The following MYOM1 variants were observed in gnomAD, a reference collection of about 807,000 sequenced individuals.
MYOM1 encodes myomesin 1, also known as myomesin-1.
A neutral mutation model predicts 205.3 loss-of-function variants in MYOM1; 164 were observed. The ratio of observed to expected loss-of-function variants is 0.80; its 90% CI spans 0.70 to 0.91. MYOM1 has a LOEUF of 0.91. Among genes scored for constraint, MYOM1 ranks in the 40% least tolerant of loss-of-function variants. The pLI, the probability that MYOM1 is intolerant of heterozygous loss-of-function variation, is 0.00. For synonymous variants in MYOM1, 772 were observed against 789.4 expected, an observed-to-expected ratio of 0.98 and a Z score of 0.37; for missense variants, 2,011 against 2,127.3, an observed-to-expected ratio of 0.95 and a Z score of 1.08.
chr18:3,161,508 G>A (rs1028232238), intron 10 of MYOM1, among the ~76,000 whole-genome samples: 2 of 152,196 alleles, frequency 1.3e-5, no homozygotes, highest in Non-Finnish European at 2.9e-5. Context: ...CTAAGCAGAA[G>A]TGATGAGGGC....
chr18:3,172,412 G>C (rs1278831216), intron 8 of MYOM1, among the ~76,000 whole-genome samples: 1 of 152,150 alleles, frequency 6.6e-6, no homozygotes, highest in African/African-American at 2.4e-5. Flanking sequence ...TGATGATACA[G>C]TTGTGGAGAT....
Position 3,174,172 on chromosome 18 carries a change from C to T in MYOM1, c.1059G>A (p.Ser353=), listed in dbSNP as rs544571912. ...DFEDTAQYRA[S]AMNVKGELSA... The stretch of plus-strand genomic sequence containing the variant: ...AAAGCTCTCCTTTAACATTCATCGC[C>T]GAGGCCCGGTACTGAGCTGTATCTT... Residue 353 remains serine (S), a synonymous_variant, in exon 7 of 38, where the codon TCG becomes TCA. Coordinates refer to ENST00000356443, the MANE Select transcript of MYOM1 (RefSeq NM_003803.4). The T allele has an allele frequency of 9.9e-6, 16 of 1,613,966 alleles. No homozygotes were observed. The East Asian group carries it at 1.3e-4, about 13-fold the overall frequency.
At chr18:3,148,800 C>T (rs540985197) in intron 13 of MYOM1, among the ~76,000 whole-genome samples, 18 of 126,606 alleles carry the variant, frequency 1.4e-4, no homozygotes, top group Non-Finnish European at 2.5e-4. Context: ...GAGCCGAGAT[C>T]GCACCATTGC....
the MYOM1 span, among the ~76,000 whole-genome samples, chr18:3,232,102 G>A: frequency 1.3e-5 from 2 of 151,730 alleles, no homozygotes; most frequent in Non-Finnish European, 2.9e-5. Flanking sequence ...GGCTGAGGCT[G>A]GCGGATCACC....
At chr18:3,127,299 ATATATATTTT>A (rs1291957100) in intron 18 of MYOM1, among the ~76,000 whole-genome samples, 1,234 of 49,726 alleles carry the variant, frequency 0.025, 13 homozygotes, top group South Asian at 0.12. Flanking sequence ...ATATATATAT[ATATATATTTT>A]TTTTTTTTTT....
chr18:3,158,295 TGCTGTGTGGTATGTCATC>T (rs2080330661), intron 10 of MYOM1, among the ~76,000 whole-genome samples: 1 of 152,212 alleles, frequency 6.6e-6, no homozygotes, highest in Non-Finnish European at 1.5e-5. Context: ...TGGTTTTCAT[TGCTGTGTGGTATGTCATC>T]GTTTCATGGA....
chr18:3,096,414 T>C (rs2079304496), intron 25 of MYOM1, among the ~76,000 whole-genome samples: 1 of 151,796 alleles, frequency 6.6e-6, no homozygotes, highest in South Asian at 2.1e-4. Flanking sequence ...GTTATCTCTC[T>C]CCTCCTCTAG....
intron 33 of MYOM1, among the ~76,000 whole-genome samples, chr18:3,081,888 T>G (rs1244573855): frequency 1.3e-5 from 2 of 152,204 alleles, no homozygotes; most frequent in East Asian, 1.9e-4. Flanking sequence ...AATGGCTGCT[T>G]TGTGGGGCCT....
At chr18:3,101,491 A>G (rs1567905910) in intron 23 of MYOM1, among the ~76,000 whole-genome samples, 1 of 152,202 alleles carries the variant, frequency 6.6e-6, no homozygotes, top group Non-Finnish European at 1.5e-5. Context: ...TGGAAGTTAA[A>G]TAGCTGCCCA....
chr18:3,164,559 A>T, intron 9 of MYOM1, 120 bp from the exon 10 acceptor site: 4 of 969,542 alleles, frequency 4.1e-6, no homozygotes, highest in Non-Finnish European at 6.0e-6. Flanking sequence ...CTACTAGAGG[A>T]AGTCTCTAGG....
intron 37 of MYOM1, among the ~76,000 whole-genome samples, chr18:3,067,768 C>T (rs1269757870): frequency 6.6e-6 from 1 of 152,156 alleles, no homozygotes; most frequent in Non-Finnish European, 1.5e-5. Flanking sequence ...TTTAATGCTC[C>T]TCAAGGCCTT....
chr18:3,216,771 T>G (rs907577926), intron 1 of MYOM1, among the ~76,000 whole-genome samples: 5 of 152,142 alleles, frequency 3.3e-5, no homozygotes, highest in Non-Finnish European at 5.9e-5. Context: ...TGAGACTCAT[T>G]CTCGCCGATG....
rs73375159 is a variant in MYOM1 at position 3,173,199 on chromosome 18, C to G, written c.1174+739G>C. On this transcript the variant is annotated intron_variant, in intron 8 of 37. Transcript: ENST00000356443. ...ATGTAAATGAAATGACTGACATTCACAAATTTGTAAATTACTACTGACCAG... is the reference window on the plus strand; with the variant it reads ...ATGTAAATGAAATGACTGACATTCAGAAATTTGTAAATTACTACTGACCAG... 8.3e-3 allele frequency among the ~76,000 whole-genome samples: 1,263 copies of G among 152,304 alleles called. 11 individuals carry two copies. The highest frequency in any genetic ancestry group is 0.029 in the African/African-American group (1,185 of 41,550).
intron 5 of MYOM1, among the ~76,000 whole-genome samples, chr18:3,178,599 A>G (rs188930743): frequency 1.6e-4 from 25 of 152,300 alleles, no homozygotes; most frequent in Admixed American, 7.2e-4. Context: ...CCGTCCCTAA[A>G]GCACGTTATT....
chr18:3,203,233 C>G (rs926453929), intron 2 of MYOM1, among the ~76,000 whole-genome samples: 1 of 149,012 alleles, frequency 6.7e-6, no homozygotes, highest in Non-Finnish European at 1.5e-5. Flanking sequence ...TCATAAGTAG[C>G]TAGAAAAAGA....
rs1481903663 is a variant in MYOM1 at position 3,129,449 on chromosome 18, C to G, written c.2577G>C (p.Gly859=). 6.2e-7 allele frequency: 1 copy of G among 1,613,890 alleles called. No homozygotes were observed. The highest frequency in any genetic ancestry group is 1.7e-5 in the Admixed American group (1 of 60,008). Residue 859 remains glycine, a synonymous_variant, in exon 18 of 38, where the codon GGG becomes GGC. Transcript: ENST00000356443. ...DEPGGLTASR[G]RVHEASPPTF... Reference sequence around the variant, plus strand: ...TTGGCGGGGAGGCTTCATGCACGCGCCCCCTGGAGGCGGTTAGTCCACCAG... The same window carrying G: ...TTGGCGGGGAGGCTTCATGCACGCGGCCCCTGGAGGCGGTTAGTCCACCAG...
intron 22 of MYOM1, among the ~76,000 whole-genome samples, chr18:3,109,963 G>A (rs1002964232): frequency 1.3e-5 from 2 of 151,924 alleles, no homozygotes; most frequent in Admixed American, 1.3e-4. Flanking sequence ...GTATCCTAAT[G>A]GGTTCAAGTG....
intron 3 of MYOM1, among the ~76,000 whole-genome samples, chr18:3,193,381 C>T (rs10221441): frequency 2.1e-5 from 3 of 141,402 alleles, no homozygotes. Context: ...CACACACACA[C>T]AATAATAAAA....
intron 14 of MYOM1, among the ~76,000 whole-genome samples, chr18:3,136,134 G>A (rs1398279285): frequency 2.1e-5 from 3 of 143,302 alleles, no homozygotes; most frequent in African/African-American, 2.6e-5. Flanking sequence ...TGTCTTGCCT[G>A]CCACCGTGTA....
Sources: gnomAD v4.1 joint callset for allele counts (sites outside exome capture counted in the v4.1 genomes callset) on GRCh38, gnomAD v4.1.1 for gene constraint, MANE v1.5 for transcripts, NCBI Gene and HGNC (gene_info 2026-07-23, HGNC 2026-07-21) for gene names.